The following SFMBT2 variants were observed in gnomAD, a reference collection of about 807,000 sequenced individuals.
SFMBT2 encodes Scm like with four mbt domains 2, also known as scm-like with four MBT domains protein 2.
Under a neutral mutation model 110.1 loss-of-function variants are expected in SFMBT2, and 38 were observed. That is an observed-to-expected ratio of 0.35 (90% confidence interval 0.27 to 0.45). The LOEUF (loss-of-function observed/expected upper bound fraction) is 0.45, where lower values mean the gene tolerates loss of function less well. Ranked by LOEUF, SFMBT2 falls within the 20% of genes least tolerant of loss-of-function variation. The pLI is 1.00. For missense variants in SFMBT2, 1,011 were observed against 1,094.9 expected (o/e 0.92, Z 1.08); for synonymous variants, 425 against 425.4 (o/e 1.00, Z 0.01).
chr10:7,307,446 T>C (rs912490152), intron 4 of SFMBT2, among the ~76,000 whole-genome samples: 11 of 152,066 alleles, frequency 7.2e-5, no homozygotes, highest in Non-Finnish European at 1.6e-4. Context: ...AAAGCAGTCA[T>C]ACATAAACAA....
chr10:7,294,838 T>C lies in SFMBT2; in HGVS notation c.437-8884A>G, dbSNP rs142641899. Among the ~76,000 whole-genome samples the C allele has an allele frequency of 2.6e-4, 40 of 152,334 alleles. No individual in the cohort carries two copies. In the East Asian group the frequency reaches 6.7e-3, roughly 26 times the overall value. On this transcript the variant is annotated intron_variant, in intron 4 of 20. Transcript: ENST00000397167. The stretch of plus-strand genomic sequence containing the variant: ...CACTAATCTGAAGCATATGAAACTG[T>C]CTTTTTCCTTTGCTTTTTTGTTTTA...
At chr10:7,316,464 A>G (rs1485253883) in intron 4 of SFMBT2, among the ~76,000 whole-genome samples, 4 of 152,204 alleles carry the variant, frequency 2.6e-5, no homozygotes, top group Non-Finnish European at 5.9e-5. Context: ...GCTGGAAAGC[A>G]GCACAAGGAA....
chr10:7,390,572 A>G (rs898126048), intron 1 of SFMBT2, among the ~76,000 whole-genome samples: 1 of 152,240 alleles, frequency 6.6e-6, no homozygotes, highest in South Asian at 2.1e-4. Flanking sequence ...ATTCAGGAAA[A>G]TCATTCCGCC....
chr10:7,370,171 A>C, intron 3 of SFMBT2, 110 bp downstream of exon 3: 4 of 951,804 alleles, frequency 4.2e-6, no homozygotes, highest in Non-Finnish European at 6.5e-6. Context: ...CTGGCCACGA[A>C]TTTCCCTCTT....
intron 10 of SFMBT2, among the ~76,000 whole-genome samples, chr10:7,222,209 T>C (rs1343076926): frequency 6.6e-6 from 1 of 152,236 alleles, no homozygotes; most frequent in East Asian, 1.9e-4. Flanking sequence ...CTGAGTAGTT[T>C]GTACAGATGC....
intron 2 of SFMBT2, among the ~76,000 whole-genome samples, chr10:7,378,144 A>ATGTG (rs1180270545): frequency 2.2e-5 from 2 of 92,126 alleles, no homozygotes; most frequent in African/African-American, 4.3e-5. Flanking sequence ...GTGTGAGTGT[A>ATGTG]TGGATGGGTG....
At chr10:7,388,524 AT>A (rs60231769) in intron 1 of SFMBT2, among the ~76,000 whole-genome samples, 8,777 of 112,184 alleles carry the variant, frequency 0.078, 189 homozygotes, top group African/African-American at 0.12. Context: ...TACCCAGCTA[AT>A]TTTTTTTTTT....
chr10:7,315,856 C>T (rs1842995958), intron 4 of SFMBT2, among the ~76,000 whole-genome samples: 1 of 152,210 alleles, frequency 6.6e-6, no homozygotes, highest in Non-Finnish European at 1.5e-5. Context: ...TGCTAGAAGT[C>T]TTAATGTAAA....
chr10:7,285,965 A>C lies in SFMBT2; in HGVS notation c.437-11T>G, dbSNP rs1488274923. 1.2e-6 allele frequency: 1 copy of C among 868,610 alleles called. No homozygotes were observed. Among genetic ancestry groups the C allele is most frequent in the African/African-American group, 1.6e-5 (1 of 61,148 alleles). 53.8% of individuals were successfully genotyped at this position (868,610 alleles called of 1,614,324 possible). ...ACTTCTCTTTGATTGCTGGCAAGAC[A>C]AAGGAGAAAGAAAAACAAAACAAAA... is the stretch of plus-strand genomic sequence containing the variant. On this transcript the variant is annotated splice_polypyrimidine_tract_variant and intron_variant, in intron 4 of 20. Transcript: ENST00000397167.
rs183321222 is a variant in SFMBT2, at chr10:7,280,513, C to G, written c.772+3391G>C. Among the ~76,000 whole-genome samples the G allele has an allele frequency of 5.9e-5, 9 of 152,306 alleles. No individual in the cohort carries two copies. The South Asian group carries it at 8.3e-4, about 14-fold the overall frequency. On this transcript the variant is annotated intron_variant, in intron 6 of 20. Coordinates refer to ENST00000397167, the MANE Select transcript of SFMBT2 (RefSeq NM_001387889.1). ...AGCATCTGCAAGAATATCTAAAAGT[C>G]TATCTTATTTTCTAAACATCCAGAA...
intron 4 of SFMBT2, among the ~76,000 whole-genome samples, chr10:7,363,354 C>CTT: frequency 6.9e-6 from 1 of 145,254 alleles, no homozygotes; most frequent in African/African-American, 2.5e-5. Context: ...TAAACCTCCT[C>CTT]TTTTTTTTTT....
chr10:7,314,488 G>T (rs1425528848), intron 4 of SFMBT2, among the ~76,000 whole-genome samples: 2 of 152,160 alleles, frequency 1.3e-5, no homozygotes, highest in Non-Finnish European at 2.9e-5. Flanking sequence ...ATTTCTTAAC[G>T]ATCACATGAT....
At chr10:7,387,861 T>C (rs1246255876) in intron 1 of SFMBT2, among the ~76,000 whole-genome samples, 3 of 150,336 alleles carry the variant, frequency 2.0e-5, no homozygotes, top group African/African-American at 7.4e-5. Context: ...GGCAGAAGAA[T>C]TGCTTGAACC....
At chr10:7,270,852 A>G (rs1841554871) in intron 7 of SFMBT2, among the ~76,000 whole-genome samples, 1 of 152,244 alleles carries the variant, frequency 6.6e-6, no homozygotes, top group Non-Finnish European at 1.5e-5. Context: ...CTTTGTGCAA[A>G]GACAATAAAT....
At chr10:7,390,481 G>A (rs1248498806) in intron 1 of SFMBT2, among the ~76,000 whole-genome samples, 2 of 152,100 alleles carry the variant, frequency 1.3e-5, no homozygotes, top group African/African-American at 4.8e-5. Context: ...TATATCAATG[G>A]AAAATGTCAA....
chr10:7,243,571 G>A lies in SFMBT2; in HGVS notation c.1107C>T (p.Leu369=), dbSNP rs763845022. The change falls in exon 9 of 21, where the codon CTC becomes CTT. Residue 369 remains leucine (L), a synonymous_variant. Coordinates refer to ENST00000397167, the MANE Select transcript of SFMBT2 (RefSeq NM_001387889.1). ...CAGAATACAAACCTTTGGGAGGAGT[G>A]AGGCTGACTCCATTTTTAAGGCACC... ...VQWCLKNGVS[L]TPPKGYSGQD... The A allele has an allele frequency of 1.1e-6, 1 of 872,862 alleles. No individual in the cohort carries two copies. The allele number at this position is 872,862 out of a possible 1,614,324, so 54.1% of individuals were successfully genotyped here.
chr10:7,349,560 C>A (rs1844244219), intron 4 of SFMBT2, among the ~76,000 whole-genome samples: 1 of 139,810 alleles, frequency 7.2e-6, no homozygotes, highest in Non-Finnish European at 1.5e-5. Context: ...CAGGTTCATG[C>A]AATTCTCCTG....
chr10:7,284,008 A>G lies in SFMBT2; in HGVS notation c.668T>C (p.Leu223Ser). 1 of 1,613,640 alleles carries G rather than the reference A, an allele frequency of 6.2e-7. No homozygotes were observed. The highest frequency in any genetic ancestry group is 8.5e-7 in the Non-Finnish European group (1 of 1,179,522). ...GGRLRLRYVG[L>S]EDTESYDQWL... ...CTGGTCATAGGATTCAGTGTCCTCC[A>G]ATCCCACATAGCGAAGGCGTAATCT... Residue 223 changes from leucine (L) to serine (S), a missense_variant, in exon 6 of 21, where the codon TTG (leucine) becomes TCG (serine). By Grantham distance (145) the Leu-to-Ser change is moderately radical. Coordinates refer to ENST00000397167, the MANE Select transcript of SFMBT2 (RefSeq NM_001387889.1).
At chr10:7,384,442 G>A (rs1845527470) in intron 1 of SFMBT2, among the ~76,000 whole-genome samples, 1 of 151,516 alleles carries the variant, frequency 6.6e-6, no homozygotes, top group Non-Finnish European at 1.5e-5. Flanking sequence ...AACTGAGTTT[G>A]CTTCGTTCAT....
Sources: gnomAD v4.1 joint callset for allele counts (sites outside exome capture counted in the v4.1 genomes callset) on GRCh38, gnomAD v4.1.1 for gene constraint, MANE v1.5 for transcripts, NCBI Gene and HGNC (gene_info 2026-07-23, HGNC 2026-07-21) for gene names.